NRG3: variants seen among roughly 807,000 people sequenced by gnomAD.
The protein encoded by NRG3 is neuregulin 3.
Under a neutral mutation model 66.9 loss-of-function variants are expected in NRG3, and 31 were observed. That is an observed-to-expected ratio of 0.46 (90% CI 0.35 to 0.63). The LOEUF (loss-of-function observed/expected upper bound fraction) is 0.63. Ranked by LOEUF, NRG3 falls within the 20% of genes least tolerant of loss-of-function variation. NRG3 has a pLI of 0.00. For missense variants in NRG3, 910 were observed against 878.9 expected (o/e 1.04, Z -0.45); for synonymous variants, 393 against 359.4 (o/e 1.09, Z -1.06).
chr10:82,409,127 G>A (rs1164173715), intron 2 of NRG3, among the ~76,000 whole-genome samples: 1 of 152,138 alleles, frequency 6.6e-6, no homozygotes, highest in Non-Finnish European at 1.5e-5. Context: ...AAGGTTTACG[G>A]TTAGAATGAA....
At chr10:82,241,796 T>C (rs1263319880) in intron 1 of NRG3, among the ~76,000 whole-genome samples, 1 of 152,178 alleles carries the variant, frequency 6.6e-6, no homozygotes, top group Non-Finnish European at 1.5e-5. Flanking sequence ...ACTTTTCTTT[T>C]GGAAGTACAT....
chr10:82,928,613 T>G (rs112951582), intron 4 of NRG3, among the ~76,000 whole-genome samples: 766 of 21,958 alleles, frequency 0.035, 8 homozygotes, highest in African/African-American at 0.12. Context: ...GATCAGCAGG[T>G]TTTTTTTTTT....
At chr10:82,861,058 A>G (rs1167380253) in intron 3 of NRG3, among the ~76,000 whole-genome samples, 2 of 152,124 alleles carry the variant, frequency 1.3e-5, no homozygotes, top group African/African-American at 4.8e-5. Context: ...TAATTCTTCC[A>G]TATGAACCAA....
chr10:82,783,830 C>T (rs959921928), intron 3 of NRG3, among the ~76,000 whole-genome samples: 1 of 152,144 alleles, frequency 6.6e-6, no homozygotes, highest in African/African-American at 2.4e-5. Context: ...CTACCAATGA[C>T]TTTCTTCACA....
chr10:82,402,146 A>G (rs573279694), intron 2 of NRG3, among the ~76,000 whole-genome samples: 1 of 152,112 alleles, frequency 6.6e-6, no homozygotes, highest in Non-Finnish European at 1.5e-5. Context: ...TTAGCCTCTT[A>G]TGTTATCATA....
At chr10:82,350,990 C>T (rs2083401005) in intron 1 of NRG3, among the ~76,000 whole-genome samples, 1 of 151,906 alleles carries the variant, frequency 6.6e-6, no homozygotes, top group Non-Finnish European at 1.5e-5. Context: ...CTCCTGGGTT[C>T]ACGCCATTCT....
chr10:82,958,834 A>G, intron 5 of NRG3, 115 bp from the exon 6 acceptor site: 1 of 1,225,426 alleles, frequency 8.2e-7, no homozygotes, highest in Non-Finnish European at 1.1e-6. Context: ...TCGTTAGCTG[A>G]GTTTATTTAA....
chr10:81,957,386 A>G (rs921821308), intron 1 of NRG3, among the ~76,000 whole-genome samples: 1 of 152,002 alleles, frequency 6.6e-6, no homozygotes, highest in Non-Finnish European at 1.5e-5. Context: ...TCTCCCTTAC[A>G]TCATTCTCTC....
intron 2 of NRG3, among the ~76,000 whole-genome samples, chr10:82,708,931 T>C (rs915522550): frequency 1.3e-5 from 2 of 152,178 alleles, no homozygotes; most frequent in Non-Finnish European, 2.9e-5. Context: ...ATCTTTGTAT[T>C]GCTGTTGGCA....
intron 2 of NRG3, among the ~76,000 whole-genome samples, chr10:82,606,386 A>T (rs1265872805): frequency 6.6e-6 from 1 of 152,148 alleles, no homozygotes; most frequent in Non-Finnish European, 1.5e-5. Flanking sequence ...AGAATACTTC[A>T]CATGATTTCT....
chr10:82,116,392 T>C (rs997663226), intron 1 of NRG3, among the ~76,000 whole-genome samples: 4 of 152,206 alleles, frequency 2.6e-5, no homozygotes, highest in Admixed American at 1.3e-4. Flanking sequence ...TATTTAGCTC[T>C]TTTTTTAGAC....
intron 3 of NRG3, among the ~76,000 whole-genome samples, chr10:82,752,951 T>A (rs1329549771): frequency 6.6e-6 from 1 of 152,216 alleles, no homozygotes; most frequent in Non-Finnish European, 1.5e-5. Flanking sequence ...TAACAACCCA[T>A]CTGTGAATTT....
chr10:82,011,678 T>G (rs1564735785), intron 1 of NRG3, among the ~76,000 whole-genome samples: 1 of 152,124 alleles, frequency 6.6e-6, no homozygotes, highest in Admixed American at 6.5e-5. Context: ...ATGGGAGAAA[T>G]TGGCCAAAAC....
At chr10:81,957,291 T>G (rs2133242695) in intron 1 of NRG3, among the ~76,000 whole-genome samples, 2 of 152,216 alleles carry the variant, frequency 1.3e-5, no homozygotes, top group Middle Eastern at 6.8e-3. Context: ...TTAGAGCTCA[T>G]TCATTATAGT....
At chr10:82,162,612 G>C (rs955029573) in intron 1 of NRG3, among the ~76,000 whole-genome samples, 1 of 152,154 alleles carries the variant, frequency 6.6e-6, no homozygotes, top group African/African-American at 2.4e-5. Context: ...AACCCAAAGA[G>C]AATACATTGA....
intron 2 of NRG3, among the ~76,000 whole-genome samples, chr10:82,475,667 A>G (rs1259500671): frequency 1.3e-5 from 2 of 152,204 alleles, no homozygotes; most frequent in Non-Finnish European, 1.5e-5. Context: ...TTAGACCCTT[A>G]TCTTACACTA....
chr10:82,592,782 G>T (rs1036278406), intron 2 of NRG3, among the ~76,000 whole-genome samples: 1 of 152,150 alleles, frequency 6.6e-6, no homozygotes, highest in South Asian at 2.1e-4. Context: ...TTTTACTAAA[G>T]ACCCCTTGCC....
chr10:82,826,820 C>T (rs1286366806), intron 3 of NRG3, among the ~76,000 whole-genome samples: 1 of 151,910 alleles, frequency 6.6e-6, no homozygotes, highest in Non-Finnish European at 1.5e-5. Context: ...TGCTTACCAC[C>T]TGGGAGAGGA....
intron 2 of NRG3, among the ~76,000 whole-genome samples, chr10:82,462,554 A>C (rs1285547054): frequency 1.3e-5 from 2 of 152,092 alleles, no homozygotes; most frequent in Admixed American, 1.3e-4. Context: ...GATGGGGTGA[A>C]GAGATTGAAG....
Sources: allele counts gnomAD v4.1 joint callset (sites outside exome capture counted in the v4.1 genomes callset), GRCh38; gene constraint gnomAD v4.1.1; transcripts MANE v1.5; gene names NCBI Gene and HGNC (gene_info 2026-07-23, HGNC 2026-07-21).